IQSEC1: variants seen among roughly 807,000 people sequenced by gnomAD.
The protein encoded by IQSEC1 is IQ motif and SEC7 domain-containing protein 1.
IQSEC1 carries 31 observed loss-of-function variants against 91.0 expected under a neutral mutation model. The observed-to-expected ratio is 0.34, with a 90% CI of 0.26 to 0.46. The LOEUF (loss-of-function observed/expected upper bound fraction) is 0.46, where lower values mean the gene tolerates loss of function less well. IQSEC1 is among the 20% of genes least tolerant of loss of function. The pLI is 1.00. For synonymous variants in IQSEC1, 699 were observed against 662.6 expected (o/e 1.05, Z -0.84); for missense variants, 1,388 against 1,575.6 (o/e 0.88, Z 2.02).
rs1694003345 is a variant in IQSEC1, at chr3:12,899,498, G to A, written c.*1485C>T. 12 of 1,574,060 alleles carry A rather than the reference G, an allele frequency of 7.6e-6. No homozygotes were observed. Among genetic ancestry groups the A allele is most frequent in the Non-Finnish European group, 1.0e-5 (12 of 1,158,952 alleles). On this transcript the variant is annotated 3_prime_UTR_variant, in exon 14 of 14. Transcript: ENST00000613206. ...TGCCGCGTGCAGGTCTGGCCCTGGG[G>A]AGCGCATGGTGTCACCACAACACAG...
intron 2 of IQSEC1, among the ~76,000 whole-genome samples, chr3:12,938,152 T>C (rs986145350): frequency 8.5e-5 from 13 of 152,198 alleles, no homozygotes; most frequent in Admixed American, 7.8e-4. Context: ...CGTGGGCATG[T>C]GATGTGGGGC....
At position 12,908,425 on chromosome 3, in the gene IQSEC1, C is replaced by A; in HGVS notation, c.2679G>T (p.Leu893=). 2 of 1,613,398 alleles carry A rather than the reference C, an allele frequency of 1.2e-6. No individual in the cohort carries two copies. The highest frequency in any genetic ancestry group is 1.7e-6 in the Non-Finnish European group (2 of 1,180,032). The change falls in exon 12 of 14, where the codon CTG becomes CTT. Residue 893 remains leucine, a synonymous_variant. Coordinates refer to ENST00000613206, the MANE Select transcript of IQSEC1 (RefSeq NM_001134382.3). The surrounding 1 kb of genome is among the most constrained non-coding windows in gnomAD (Gnocchi z 4.9). The part of the protein sequence containing the change: ...SGNGTLSRAC[L]DDSYASGEGL... ...CCTCACCGCTGGCATAGCTGTCGTC[C>A]AGGCAGGCCCGGCTCAGTGTTCCGT... is the stretch of plus-strand genomic sequence containing the variant.
In IQSEC1 at chr3:12,994,072, G is replaced by C. The variant is rs1324142824; in HGVS notation, c.24-52207C>G. On this transcript the variant is annotated intron_variant, in intron 1 of 13. Transcript: ENST00000613206. This position sits in a 1 kb window ranked among gnomAD's most constrained non-coding sequence, Gnocchi z 4.5. ...CGCCGGGCGCGTCCCCCGCCGGCCC[G>C]CCTCCTACCTCGCGGGTCCGCCCGC... Among the ~76,000 whole-genome samples the C allele has an allele frequency of 8.2e-5, 12 of 147,094 alleles. No homozygotes were observed. The South Asian group carries it at 2.5e-3, about 31-fold the overall frequency.
At chr3:13,195,172 A>C (rs1694104165) in intron 1 of IQSEC1, among the ~76,000 whole-genome samples, 1 of 152,232 alleles carries the variant, frequency 6.6e-6, no homozygotes, top group Non-Finnish European at 1.5e-5. Flanking sequence ...TCCAGTTAGA[A>C]AATGGGCAAA....
At chr3:13,114,877 G>A (rs1706310066) in intron 2 of IQSEC1, among the ~76,000 whole-genome samples, 1 of 152,078 alleles carries the variant, frequency 6.6e-6, no homozygotes, top group Non-Finnish European at 1.5e-5. Context: ...GCCAAGCACT[G>A]TGAAGATTTG....
chr3:13,031,199 C>A (rs1703829430), intron 1 of IQSEC1, among the ~76,000 whole-genome samples: 1 of 152,236 alleles, frequency 6.6e-6, no homozygotes, highest in African/African-American at 2.4e-5. Flanking sequence ...TACCTGGACC[C>A]ACCTTTCTGG....
chr3:12,934,100 G>T (rs1206267894), intron 3 of IQSEC1, among the ~76,000 whole-genome samples: 3 of 152,194 alleles, frequency 2.0e-5, no homozygotes, highest in Non-Finnish European at 4.4e-5. Context: ...CGTGTCAGGT[G>T]GGCCAGCAGG....
chr3:13,175,634 A>G (rs1410944368), intron 1 of IQSEC1, among the ~76,000 whole-genome samples: 1 of 152,242 alleles, frequency 6.6e-6, no homozygotes, highest in African/African-American at 2.4e-5. Flanking sequence ...CTGGGTTGCT[A>G]TAACAAAAAT....
chr3:12,979,579 G>A lies in IQSEC1; in HGVS notation c.24-37714C>T, dbSNP rs950461513. Reference sequence around the variant, plus strand: ...GGAATGGGACGTGGAAGGGCGTGGCGCATAGCTCACTGTGTACCCTTCTGT... The same window carrying A: ...GGAATGGGACGTGGAAGGGCGTGGCACATAGCTCACTGTGTACCCTTCTGT... On this transcript the variant is annotated intron_variant, in intron 1 of 13. Transcript: ENST00000613206. The surrounding 1 kb of genome is among the most constrained non-coding windows in gnomAD (Gnocchi z 4.3). 6.6e-6 allele frequency among the ~76,000 whole-genome samples: 1 copy of A among 152,232 alleles called. No individual in the cohort carries two copies. The highest frequency in any genetic ancestry group is 1.5e-5 in the Non-Finnish European group (1 of 68,040).
intron 1 of IQSEC1, among the ~76,000 whole-genome samples, chr3:13,043,703 G>A (rs1004943413): frequency 1.3e-5 from 2 of 152,194 alleles, no homozygotes; most frequent in African/African-American, 2.4e-5. Flanking sequence ...CTCTTTTAAG[G>A]GCCGGCCCAC....
chr3:13,017,957 G>C (rs1192543658), intron 1 of IQSEC1, among the ~76,000 whole-genome samples: 1 of 152,160 alleles, frequency 6.6e-6, no homozygotes, highest in East Asian at 1.9e-4. Flanking sequence ...TGTCCAGAAG[G>C]CGTGGGTGGG....
chr3:13,264,051 G>A (rs530677718), intron 1 of IQSEC1, among the ~76,000 whole-genome samples: 391 of 152,304 alleles, frequency 2.6e-3, no homozygotes, highest in African/African-American at 7.4e-3. Flanking sequence ...AAGATTTGCT[G>A]GAGTGGATAT....
chr3:12,917,186 G>A (rs1028505579), intron 6 of IQSEC1, among the ~76,000 whole-genome samples: 2 of 152,102 alleles, frequency 1.3e-5, no homozygotes, highest in East Asian at 1.9e-4. Context: ...AGCCTTCCAC[G>A]CTGTCGCCAT....
upstream of IQSEC1, among the ~76,000 whole-genome samples, chr3:13,073,917 G>C (rs1705517263): frequency 6.6e-6 from 1 of 152,254 alleles, no homozygotes; most frequent in South Asian, 2.1e-4. Flanking sequence ...GCCAGTAGCT[G>C]CACGGTGGAT....
chr3:13,136,395 C>T (rs566683638), intron 2 of IQSEC1, among the ~76,000 whole-genome samples: 2 of 152,254 alleles, frequency 1.3e-5, no homozygotes, highest in African/African-American at 2.4e-5. Flanking sequence ...ATCCCTTAAA[C>T]GAGAAACAAA....
rs1444338848 is a variant in IQSEC1 at position 12,935,855 on chromosome 3, G to A, written c.1161C>T (p.Leu387=). 6.2e-7 allele frequency: 1 copy of A among 1,608,038 alleles called. No homozygotes were observed. Among genetic ancestry groups the A allele is most frequent in the Non-Finnish European group, 8.5e-7 (1 of 1,179,878 alleles). ...DLSDRSERGS[L]KRQSAYERSL... Reference sequence around the variant, plus strand: ...TGCGCTCGTAAGCACTCTGCCTCTTGAGTGACCCCCGCTCCGAGCGGTCAC... The same window carrying A: ...TGCGCTCGTAAGCACTCTGCCTCTTAAGTGACCCCCGCTCCGAGCGGTCAC... The change falls in exon 3 of 14, where the codon CTC becomes CTT. Residue 387 remains leucine (L), a synonymous_variant. Coordinates refer to ENST00000613206, the MANE Select transcript of IQSEC1 (RefSeq NM_001134382.3). This position sits in a 1 kb window ranked among gnomAD's most constrained non-coding sequence, Gnocchi z 8.0.
chr3:13,131,877 T>C (rs976235015), intron 2 of IQSEC1, among the ~76,000 whole-genome samples: 1 of 152,348 alleles, frequency 6.6e-6, no homozygotes, highest in South Asian at 2.1e-4. Context: ...TTTAAATATC[T>C]ATAATGGTCC....
At position 12,941,841 on chromosome 3, in the gene IQSEC1, A is replaced by T; in HGVS notation, c.48T>A (p.Ser16Arg). ...GGCTGTCCAGGGATGTGCCAGTCTC[A>T]CTGCTGGGGGCCTCGCCCTCGACGC... ...RYFVEGEAPS[S>R]ETGTSLDSPS... Residue 16 changes from serine to arginine, a missense_variant, in exon 2 of 14, where the codon AGT (serine) becomes AGA (arginine). Around this residue, in one of 2 missense-constraint regions of IQSEC1, gnomAD observed 1,059 missense variants for 1,317.8 expected, o/e 0.80. Transcript: ENST00000613206. 6.2e-7 allele frequency: 1 copy of T among 1,605,574 alleles called. No homozygotes were observed. The highest frequency in any genetic ancestry group is 8.5e-7 in the Non-Finnish European group (1 of 1,176,920).
At chr3:13,054,434 G>A (rs567358820) in intron 1 of IQSEC1, among the ~76,000 whole-genome samples, 1 of 152,300 alleles carries the variant, frequency 6.6e-6, no homozygotes, top group African/African-American at 2.4e-5. Flanking sequence ...TCCCCCACAC[G>A]CCAGGCCCTG....
Sources: allele counts gnomAD v4.1 joint callset (sites outside exome capture counted in the v4.1 genomes callset), GRCh38; gene constraint gnomAD v4.1.1; regional missense constraint gnomAD v4.1.1; non-coding constraint Gnocchi (gnomAD v3.1); transcripts MANE v1.5; gene names NCBI Gene and HGNC (gene_info 2026-07-23, HGNC 2026-07-21).